Variants in CNN2 observed in about 807,000 individuals in gnomAD.
CNN2 encodes the protein calponin 2.
In CNN2, 21 loss-of-function variants were observed where a neutral mutation model predicts 31.0. The ratio of observed to expected loss-of-function variants is 0.68; its 90% confidence interval spans 0.48 to 0.98. CNN2 has a LOEUF of 0.98. Ranked by LOEUF, CNN2 falls within the 50% of genes least tolerant of loss-of-function variation. CNN2 has a pLI of 0.00. For missense variants in CNN2, 399 were observed against 427.3 expected, an observed-to-expected ratio of 0.93 and a Z score of 0.58; for synonymous variants, 165 against 179.6, an observed-to-expected ratio of 0.92 and a Z score of 0.65.
At chr19:1,031,984 C>G (rs549324974) in intron 2 of CNN2, among the ~76,000 whole-genome samples, 2 of 151,566 alleles carry the variant, frequency 1.3e-5, no homozygotes, top group African/African-American at 4.8e-5. Context: ...AATCCCAGCA[C>G]TTTGGGAGGT....
Position 1,037,965 on chromosome 19 carries a change from T to C in CNN2, c.*65T>C, listed in dbSNP as rs538651003. The C allele has an allele frequency of 1.8e-4, 261 of 1,433,280 alleles. 1 individual carries two copies. The East Asian group carries it at 5.5e-3, about 30-fold the overall frequency. The allele number at this position is 1,433,280 out of a possible 1,614,324, so 88.8% of individuals were successfully genotyped here. A position where few individuals can be genotyped will look rare whatever the true frequency, so the allele number is the denominator to read the frequency against. On this transcript the variant is annotated 3_prime_UTR_variant, in exon 7 of 7. Coordinates refer to ENST00000263097, the MANE Select transcript of CNN2 (RefSeq NM_004368.4). ...TGGGTTTTTGGGTTTTTCTGTGTTT[T>C]CATCTTTTTTTTTTTTTTCTTAACC...
At chr19:1,032,514 G>C in intron 3 of CNN2, 45 bp from the exon 4 acceptor site, 1 of 1,613,444 alleles carries the variant, frequency 6.2e-7, no homozygotes, top group Non-Finnish European at 8.5e-7. Context: ...CTAACAGGTG[G>C]GGAGACTGAG....
At chr19:1,031,938 G>T (rs1425840682) in intron 2 of CNN2, among the ~76,000 whole-genome samples, 3 of 151,924 alleles carry the variant, frequency 2.0e-5, no homozygotes, top group Admixed American at 1.3e-4. Context: ...TTATAAGAGT[G>T]GAAACTTGAG....
In CNN2 at chr19:1,032,545, C is replaced by A; in HGVS notation, c.253-14C>A. On this transcript the variant is annotated splice_polypyrimidine_tract_variant and intron_variant, in intron 3 of 6. Transcript: ENST00000263097. ...CTGAGGCCCACTCACTGTCCCTCTC[C>A]TGCCTCTTCCCAGCTAGAAAACCTG... is the stretch of plus-strand genomic sequence containing the variant. The A allele has an allele frequency of 3.7e-6, 6 of 1,613,406 alleles. No individual in the cohort carries two copies. The highest frequency in any genetic ancestry group is 5.1e-6 in the Non-Finnish European group (6 of 1,179,818).
chr19:1,028,562 T>G (rs1398612388), intron 1 of CNN2, among the ~76,000 whole-genome samples: 2 of 152,144 alleles, frequency 1.3e-5, no homozygotes, highest in Non-Finnish European at 2.9e-5. Flanking sequence ...GGATCCACAG[T>G]GTCTGCGGCC....
chr19:1,035,290 G>A (rs979769964), intron 4 of CNN2, among the ~76,000 whole-genome samples: 2 of 152,070 alleles, frequency 1.3e-5, no homozygotes, highest in African/African-American at 4.8e-5. Context: ...GGTGTCTCAC[G>A]TAGAAGGAAC....
chr19:1,035,369 A>G (rs973841233), intron 4 of CNN2, among the ~76,000 whole-genome samples: 1 of 152,064 alleles, frequency 6.6e-6, no homozygotes, highest in Non-Finnish European at 1.5e-5. Context: ...TCCTGGGGTA[A>G]CTGCTCCAAA....
chr19:1,029,712 T>C (rs1036742855), intron 1 of CNN2, among the ~76,000 whole-genome samples: 2 of 151,586 alleles, frequency 1.3e-5, no homozygotes, highest in Non-Finnish European at 2.9e-5. Context: ...TTCTTTCTTT[T>C]TTTTTTTAAG....
Position 1,036,236 on chromosome 19 carries a change from T to C in CNN2, c.497T>C (p.Ile166Thr). Residue 166 changes from isoleucine to threonine, a missense_variant, in exon 5 of 7, where the codon ATC becomes ACC. Physicochemically the swap from Ile to Thr is moderately conservative, Grantham distance 89 (BLOSUM62 -1). Transcript: ENST00000263097. ...ACCATGAAGGCTGGCCAGTGCGTCATCGGGCTGCAGGTGGGCGACAGCTCC... is the reference window on the plus strand; with the variant it reads ...ACCATGAAGGCTGGCCAGTGCGTCACCGGGCTGCAGGTGGGCGACAGCTCC... ...DATMKAGQCV[I>T]GLQMGTNKCA... 1 of 1,592,846 alleles carries C rather than the reference T, an allele frequency of 6.3e-7. No homozygotes were observed. Among genetic ancestry groups the C allele is most frequent in the Middle Eastern group, 1.9e-4 (1 of 5,348 alleles).
chr19:1,026,754 A>G, intron 1 of CNN2, 30 bp downstream of exon 1: 1 of 1,543,748 alleles, frequency 6.5e-7, no homozygotes, highest in Non-Finnish European at 8.7e-7. Flanking sequence ...TGTCCCCCCG[A>G]CAGCGCGGCC....
intron 6 of CNN2, chr19:1,037,396 C>G: frequency 3.7e-6 from 2 of 534,632 alleles, no homozygotes; most frequent in South Asian, 4.5e-5. Context: ...CCTCAGCCTC[C>G]CGAGTAGCTG....
rs2039400394 is a variant in CNN2 at position 1,026,660 on chromosome 19, C to A, written c.-2C>A. 11 of 1,540,920 alleles carry A rather than the reference C, an allele frequency of 7.1e-6. No homozygotes were observed. The highest frequency in any genetic ancestry group is 9.6e-6 in the Non-Finnish European group (11 of 1,143,934). Reference sequence around the variant, plus strand: ...CCCCGTCCCGCCGCCCGCCCGCCAGCCATGAGCTCCACGCAGTTCAACAAG... The same window carrying A: ...CCCCGTCCCGCCGCCCGCCCGCCAGACATGAGCTCCACGCAGTTCAACAAG... On this transcript the variant is annotated 5_prime_UTR_variant, in exon 1 of 7. Coordinates refer to ENST00000263097, the MANE Select transcript of CNN2 (RefSeq NM_004368.4).
Position 1,038,019 on chromosome 19 carries a change from C to G in CNN2, c.*119C>G. On this transcript the variant is annotated 3_prime_UTR_variant, in exon 7 of 7. Coordinates refer to ENST00000263097, the MANE Select transcript of CNN2 (RefSeq NM_004368.4). ...TCAGTGCTGCCAGTCAACCAAGGGT[C>G]TGTGAGTGTCAGCGTGGGATCAGGC... The G allele has an allele frequency of 2.9e-6, 3 of 1,036,284 alleles. No homozygotes were observed. Among genetic ancestry groups the G allele is most frequent in the Non-Finnish European group, 4.1e-6 (3 of 726,464 alleles). The allele number at this position is 1,036,284 out of a possible 1,614,324, so 64.2% of individuals were successfully genotyped here. A position where few individuals can be genotyped will look rare whatever the true frequency, so the allele number is the denominator to read the frequency against.
rs1568170971 is a variant in CNN2 at position 1,031,154 on chromosome 19, C to G, written c.147C>G (p.Asp49Glu). Residue 49 changes from aspartate (D) to glutamate (E), a missense_variant, in exon 2 of 7, where the codon GAC becomes GAG. Transcript: ENST00000263097. ...TCACCGGCCTCTCCATCGGCCCCGA[C>G]TTCCAGAAGGGCCTGAAGGATGGAA... ...EGLTGLSIGP[D>E]FQKGLKDGTI... is the part of the protein sequence containing the mutation. The G allele has an allele frequency of 1.9e-6, 3 of 1,613,318 alleles. 1 individual carries two copies. Among genetic ancestry groups the G allele is most frequent in the Non-Finnish European group, 2.5e-6 (3 of 1,179,884 alleles).
rs186213979 is a variant in CNN2, at chr19:1,031,051, C to G, written c.64-20C>G. On this transcript the variant is annotated intron_variant, in intron 1 of 6. Coordinates refer to ENST00000263097, the MANE Select transcript of CNN2 (RefSeq NM_004368.4). The stretch of plus-strand genomic sequence containing the variant: ...GGGTGCCCCCAGCCCAGCTCAGTCT[C>G]GTGCCCTTTGCTCCACCAGCTCCTG... The G allele has an allele frequency of 1.2e-6, 2 of 1,608,414 alleles. No homozygotes were observed. The highest frequency in any genetic ancestry group is 8.5e-7 in the Non-Finnish European group (1 of 1,177,070).
At chr19:1,030,379 C>G (rs1269879455) in intron 1 of CNN2, among the ~76,000 whole-genome samples, 4 of 152,142 alleles carry the variant, frequency 2.6e-5, no homozygotes, top group African/African-American at 7.2e-5. Context: ...GTAATCCCAG[C>G]ACTTTGGAGG....
rs914625386 is a variant in CNN2 at position 1,026,768 on chromosome 19, G to A, written c.63+44G>A. On this transcript the variant is annotated intron_variant, in intron 1 of 6. Coordinates refer to ENST00000263097, the MANE Select transcript of CNN2 (RefSeq NM_004368.4). ...TTGTCCCCCCGACAGCGCGGCCGTC[G>A]CACGCTCCGACCGGTGCAGGAGCCC... The A allele has an allele frequency of 1.0e-5, 16 of 1,533,040 alleles. No individual in the cohort carries two copies. In the African/African-American group the frequency reaches 2.1e-4, roughly 20 times the overall value. 95.0% of individuals were successfully genotyped at this position (1,533,040 alleles called of 1,614,324 possible).
chr19:1,031,992 G>C lies in CNN2; in HGVS notation c.186-400G>C, dbSNP rs2039505342. On this transcript the variant is annotated intron_variant, in intron 2 of 6. Transcript: ENST00000263097. ...CGCTTGTAATCCCAGCACTTTGGGA[G>C]GTTGAGGTGGACGGATCACGAGGTC... is the stretch of plus-strand genomic sequence containing the variant. 2.0e-5 allele frequency among the ~76,000 whole-genome samples: 3 copies of C among 152,066 alleles called. 1 individual carries two copies. The highest frequency in any genetic ancestry group is 2.0e-4 in the Admixed American group (3 of 15,254).
chr19:1,026,928 G>A (rs12973333), intron 1 of CNN2: 12,904 of 540,168 alleles, frequency 0.024, 315 homozygotes, highest in East Asian at 0.099. Context: ...GGAGCACCCA[G>A]GTCTGAGATC....
Sources: allele counts gnomAD v4.1 joint callset (sites outside exome capture counted in the v4.1 genomes callset), GRCh38; gene constraint gnomAD v4.1.1; transcripts MANE v1.5; gene names NCBI Gene and HGNC (gene_info 2026-07-23, HGNC 2026-07-21).